PLCB4: variants seen among roughly 807,000 people sequenced by gnomAD.
The protein encoded by PLCB4 is phospholipase C beta 4, also known as 1-phosphatidylinositol 4,5-bisphosphate phosphodiesterase beta-4.
Under a neutral mutation model 178.8 loss-of-function variants are expected in PLCB4, and 77 were observed. That is an observed-to-expected ratio of 0.43 (90% CI 0.36 to 0.52). The LOEUF is 0.52. Ranked by LOEUF, PLCB4 falls within the 20% of genes least tolerant of loss-of-function variation. The probability of loss-of-function intolerance (pLI) is 0.00; values close to 1 mark genes in which losing one functional copy is unlikely to be tolerated. For synonymous variants in PLCB4, 496 were observed against 490.8 expected, an observed-to-expected ratio of 1.01 and a Z score of -0.14; for missense variants, 1,024 against 1,453.4, an observed-to-expected ratio of 0.70 and a Z score of 4.80.
chr20:9,409,051 T>C lies in PLCB4; in HGVS notation c.1875-6T>C. On this transcript the variant is annotated splice_polypyrimidine_tract_variant and splice_region_variant and intron_variant, in intron 23 of 39. Transcript: ENST00000378473. The stretch of plus-strand genomic sequence containing the variant: ...CTTTTTTTCTGTTTTCCTTAATAAG[T>C]TACAGTTATAACAAACGGCAAATGA... The C allele has an allele frequency of 6.2e-7, 1 of 1,608,734 alleles. No individual in the cohort carries two copies.
At chr20:9,341,507 T>G (rs6056563) in intron 7 of PLCB4, among the ~76,000 whole-genome samples, 10,819 of 152,084 alleles carry the variant, frequency 0.071, 415 homozygotes, top group Middle Eastern at 0.099. Context: ...TATTCATGAA[T>G]TGAAAGTGGA....
intron 2 of PLCB4, among the ~76,000 whole-genome samples, chr20:9,183,657 T>G (rs972201044): frequency 6.6e-6 from 1 of 152,172 alleles, no homozygotes; most frequent in Non-Finnish European, 1.5e-5. Flanking sequence ...TTTTTAATGG[T>G]TTTTGGAAAT....
At position 9,426,370 on chromosome 20, in the gene PLCB4, T is replaced by G. The variant is rs140085019; in HGVS notation, c.2524+2418T>G. Among the ~76,000 whole-genome samples the G allele has an allele frequency of 3.2e-3, 484 of 152,276 alleles. 2 individuals are homozygous for G. Among genetic ancestry groups the G allele is most frequent in the African/African-American group, 0.011 (448 of 41,550 alleles). ...CTATTGTTTACTTCCAGTCTCTTTTTTTCCTGTTTGTTTATTTATTTATTT... is the reference window on the plus strand; with the variant it reads ...CTATTGTTTACTTCCAGTCTCTTTTGTTCCTGTTTGTTTATTTATTTATTT... On this transcript the variant is annotated intron_variant, in intron 28 of 39. Transcript: ENST00000378473.
chr20:9,126,959 T>TA (rs2092130983), intron 2 of PLCB4, among the ~76,000 whole-genome samples: 1 of 152,160 alleles, frequency 6.6e-6, no homozygotes, highest in African/African-American at 2.4e-5. Context: ...CAGTTGACAT[T>TA]ACCTGTAATA....
At chr20:9,251,673 C>T (rs530004696) in intron 3 of PLCB4, among the ~76,000 whole-genome samples, 16 of 152,200 alleles carry the variant, frequency 1.1e-4, no homozygotes, top group African/African-American at 3.9e-4. Context: ...AGGTCACTTG[C>T]AGCCTTCCCC....
intron 25 of PLCB4, among the ~76,000 whole-genome samples, chr20:9,412,303 G>A (rs1197116702): frequency 1.3e-5 from 2 of 152,130 alleles, no homozygotes; most frequent in African/African-American, 4.8e-5. Flanking sequence ...AGCCCCAGGG[G>A]TTCAGCCCTG....
chr20:9,368,834 G>A (rs999448343), intron 9 of PLCB4, among the ~76,000 whole-genome samples: 1 of 152,180 alleles, frequency 6.6e-6, no homozygotes, highest in African/African-American at 2.4e-5. Context: ...CAACTCAGGG[G>A]TGTTTGCTTT....
At chr20:9,264,082 A>G (rs1239055086) in intron 3 of PLCB4, among the ~76,000 whole-genome samples, 1 of 152,216 alleles carries the variant, frequency 6.6e-6, no homozygotes. Flanking sequence ...AGGAGAAATT[A>G]CTAGATAATT....
chr20:9,156,004 G>A (rs906723503), intron 2 of PLCB4, among the ~76,000 whole-genome samples: 2 of 152,276 alleles, frequency 1.3e-5, no homozygotes, highest in Non-Finnish European at 1.5e-5. Context: ...CTCTTTATAG[G>A]TCAATATCCG....
chr20:9,466,814 C>A (rs889394281), intron 35 of PLCB4, among the ~76,000 whole-genome samples: 1 of 152,148 alleles, frequency 6.6e-6, no homozygotes, highest in Non-Finnish European at 1.5e-5. Flanking sequence ...AATAGGAACG[C>A]TTTTACACTG....
intron 32 of PLCB4, among the ~76,000 whole-genome samples, chr20:9,445,555 A>AC (rs2042364691): frequency 1.3e-5 from 2 of 152,104 alleles, no homozygotes; most frequent in Admixed American, 1.3e-4. Context: ...CCTAACACTG[A>AC]TTTTTTTTAG....
At chr20:9,378,723 C>T (rs2036889405) in intron 12 of PLCB4, among the ~76,000 whole-genome samples, 1 of 152,070 alleles carries the variant, frequency 6.6e-6, no homozygotes, top group Non-Finnish European at 1.5e-5. Context: ...CAGAAGCATG[C>T]TTCATTGGGA....
chr20:9,333,102 C>A (rs557440463), intron 4 of PLCB4, among the ~76,000 whole-genome samples: 1 of 152,242 alleles, frequency 6.6e-6, no homozygotes, highest in Non-Finnish European at 1.5e-5. Context: ...TGAGCAACTT[C>A]TTGTTTATTT....
At chr20:9,316,138 G>A (rs2094896499) in intron 4 of PLCB4, among the ~76,000 whole-genome samples, 1 of 152,100 alleles carries the variant, frequency 6.6e-6, no homozygotes. Flanking sequence ...AGCCCCTCAT[G>A]TGGAGCAGTA....
At position 9,195,356 on chromosome 20, in the gene PLCB4, C is replaced by T. The variant is rs933297624; in HGVS notation, c.-78-22034C>T. Among the ~76,000 whole-genome samples the T allele has an allele frequency of 7.9e-5, 12 of 152,262 alleles. No individual in the cohort carries two copies. In the South Asian group the frequency reaches 1.4e-3, roughly 18 times the overall value. On this transcript the variant is annotated intron_variant, in intron 2 of 39. Transcript: ENST00000378473. ...GGTTTCTGTGTTGGTTAATTTTATA[C>T]GTCAACCTGACTCGGCTAAGGGTTG...
intron 4 of PLCB4, among the ~76,000 whole-genome samples, chr20:9,315,831 G>A (rs950784633): frequency 6.6e-6 from 1 of 152,008 alleles, no homozygotes; most frequent in Non-Finnish European, 1.5e-5. Flanking sequence ...AACTCAGGAG[G>A]CTAAGGCACA....
chr20:9,175,785 G>A (rs1033009497), intron 2 of PLCB4, among the ~76,000 whole-genome samples: 1 of 152,106 alleles, frequency 6.6e-6, no homozygotes, highest in East Asian at 1.9e-4. Flanking sequence ...CATATTCATA[G>A]CAAATCAGAT....
intron 2 of PLCB4, among the ~76,000 whole-genome samples, chr20:9,216,831 G>A (rs1357722304): frequency 6.6e-6 from 1 of 152,000 alleles, no homozygotes; most frequent in Non-Finnish European, 1.5e-5. Flanking sequence ...GACACCACCT[G>A]GAACTTTTCC....
chr20:9,417,029 A>G (rs2040298061), intron 25 of PLCB4, among the ~76,000 whole-genome samples: 1 of 152,190 alleles, frequency 6.6e-6, no homozygotes, highest in Admixed American at 6.5e-5. Flanking sequence ...GACATCATCT[A>G]GACTTGAAAT....
Sources: allele counts gnomAD v4.1 joint callset (sites outside exome capture counted in the v4.1 genomes callset), GRCh38; gene constraint gnomAD v4.1.1; transcripts MANE v1.5; gene names NCBI Gene and HGNC (gene_info 2026-07-23, HGNC 2026-07-21).